The following PHETA1 variants were observed in gnomAD, a reference collection of about 807,000 sequenced individuals.
PHETA1 encodes the protein PH domain containing endocytic trafficking adaptor 1.
For missense variants in PHETA1, 348 were observed against 373.5 expected (o/e 0.93, Z 0.56); for synonymous variants, 155 against 168.9 (o/e 0.92, Z 0.64).
Position 111,362,027 on chromosome 12 carries a change from G to T in PHETA1, c.*651C>A, listed in dbSNP as rs899780929. 1 of 455,582 alleles carries T rather than the reference G, an allele frequency of 2.2e-6. No homozygotes were observed. The highest frequency in any genetic ancestry group is 2.0e-5 in the African/African-American group (1 of 50,048). 28.2% of individuals were successfully genotyped at this position (455,582 alleles called of 1,614,324 possible). A position where few individuals can be genotyped will look rare whatever the true frequency, so the allele number is the denominator to read the frequency against. ...GGCAGGGGACTTTTGGCAGAGTCCT[G>T]CCTCAGCCAGCCCAGGCCAGGAGCC... On this transcript the variant is annotated 3_prime_UTR_variant, in exon 3 of 3. Transcript: ENST00000683047.
rs370742494 is a variant in PHETA1, at chr12:111,363,717, G to C, written c.-36-254C>G. ...CTGTATCCCTGAAATAATGTTGTGA[G>C]TTCCTGCTGCATGCCAGACATTTCA... On this transcript the variant is annotated intron_variant, in intron 2 of 2. Transcript: ENST00000683047. The surrounding 1 kb of genome is among the most constrained non-coding windows in gnomAD (Gnocchi z 7.4). 1.3e-6 allele frequency: 2 copies of C among 1,515,128 alleles called. No individual in the cohort carries two copies. The highest frequency in any genetic ancestry group is 1.2e-5 in the South Asian group (1 of 83,014). The allele number at this position is 1,515,128 out of a possible 1,614,324, so 93.9% of individuals were successfully genotyped here. A position where few individuals can be genotyped will look rare whatever the true frequency, so the allele number is the denominator to read the frequency against.
chr12:111,364,173 C>T (rs1340193387), intron 2 of PHETA1, among the ~76,000 whole-genome samples: 2 of 152,068 alleles, frequency 1.3e-5, no homozygotes, highest in African/African-American at 4.8e-5. Context: ...CAGTGAAACC[C>T]CTTCTCTACT....
intron 2 of PHETA1, chr12:111,365,736 G>A (rs2135508526): frequency 2.2e-5 from 7 of 318,404 alleles, no homozygotes; most frequent in South Asian, 1.7e-4. Context: ...CACAGGGAGG[G>A]GCAGAACACA....
Position 111,363,560 on chromosome 12 carries a change from A to G in PHETA1, c.-36-97T>C, listed in dbSNP as rs1868841339. The stretch of plus-strand genomic sequence containing the variant: ...TGCAGCCACTCTACATCCCCGTTTC[A>G]CAGATGAGGAAACTGACGCTCATAG... On this transcript the variant is annotated intron_variant, in intron 2 of 2. Transcript: ENST00000683047. The surrounding 1 kb of genome is among the most constrained non-coding windows in gnomAD (Gnocchi z 7.4). 1 of 1,529,990 alleles carries G rather than the reference A, an allele frequency of 6.5e-7. No homozygotes were observed. The highest frequency in any genetic ancestry group is 2.0e-5 in the Admixed American group (1 of 50,726). 94.8% of individuals were successfully genotyped at this position (1,529,990 alleles called of 1,614,324 possible).
At position 111,368,681 on chromosome 12, in the gene PHETA1, G is replaced by A. The variant is rs955134351; in HGVS notation, c.-182+231C>T. 2.6e-5 allele frequency among the ~76,000 whole-genome samples: 4 copies of A among 152,206 alleles called. No individual in the cohort carries two copies. Among genetic ancestry groups the A allele is most frequent in the Non-Finnish European group, 5.9e-5 (4 of 68,022 alleles). On this transcript the variant is annotated intron_variant, in intron 1 of 2. Coordinates refer to ENST00000683047, the MANE Select transcript of PHETA1 (RefSeq NM_144671.6). This position sits in a 1 kb window ranked among gnomAD's most constrained non-coding sequence, Gnocchi z 5.0. The stretch of plus-strand genomic sequence containing the variant: ...ATGGGTGATCAGCGGCAGAATGGGG[G>A]GCTTATCCGCAGTCCCCACCAGCGG...
Position 111,362,561 on chromosome 12 carries a change from G to A in PHETA1, c.*117C>T. On this transcript the variant is annotated 3_prime_UTR_variant, in exon 3 of 3. Coordinates refer to ENST00000683047, the MANE Select transcript of PHETA1 (RefSeq NM_144671.6). ...CCCAAAACCAGGCCACTCAGGGCCTGGGGGCCAGCCTTGCCCATGATTTCC... is the reference window on the plus strand; with the variant it reads ...CCCAAAACCAGGCCACTCAGGGCCTAGGGGCCAGCCTTGCCCATGATTTCC... 2 of 1,536,820 alleles carry A rather than the reference G, an allele frequency of 1.3e-6. No homozygotes were observed. The highest frequency in any genetic ancestry group is 1.4e-5 in the African/African-American group (1 of 73,134).
intron 2 of PHETA1, among the ~76,000 whole-genome samples, chr12:111,364,697 G>A (rs772551146): frequency 1.2e-4 from 18 of 151,928 alleles, no homozygotes; most frequent in Non-Finnish European, 1.6e-4. Context: ...CCAAGAGGCG[G>A]AGGTTGCAGT....
chr12:111,364,146 G>A (rs912065735), intron 2 of PHETA1, among the ~76,000 whole-genome samples: 3 of 152,112 alleles, frequency 2.0e-5, no homozygotes, highest in Non-Finnish European at 4.4e-5. Context: ...GGACAGGGTC[G>A]TCCAGCCTGG....
At chr12:111,364,603 C>T (rs1351704163) in intron 2 of PHETA1, among the ~76,000 whole-genome samples, 6 of 151,960 alleles carry the variant, frequency 3.9e-5, no homozygotes, top group Non-Finnish European at 7.4e-5. Flanking sequence ...AAAACCCCAT[C>T]TCTACTAAAA....
Position 111,363,171 on chromosome 12 carries a change from G to C in PHETA1, c.257C>G (p.Thr86Ser). ...EFAFAVRFAG[T>S]RARTYVLAAE... Reference sequence around the variant, plus strand: ...GGCCAGCACGTAGGTGCGCGCCCGGGTCCCCGCAAAGCGCACAGCGAAGGC... The same window carrying C: ...GGCCAGCACGTAGGTGCGCGCCCGGCTCCCCGCAAAGCGCACAGCGAAGGC... Residue 86 changes from threonine to serine, a missense_variant, in exon 3 of 3, where the codon ACC becomes AGC. By Grantham distance (58) the Thr-to-Ser change is moderately conservative. Transcript: ENST00000683047. This position sits in a 1 kb window ranked among gnomAD's most constrained non-coding sequence, Gnocchi z 7.4. 1 of 1,612,244 alleles carries C rather than the reference G, an allele frequency of 6.2e-7. No individual in the cohort carries two copies. The highest frequency in any genetic ancestry group is 8.5e-7 in the Non-Finnish European group (1 of 1,179,850).
rs1163201892 is a variant in PHETA1 at position 111,363,636 on chromosome 12, G to T, written c.-36-173C>A. On this transcript the variant is annotated intron_variant, in intron 2 of 2. Coordinates refer to ENST00000683047, the MANE Select transcript of PHETA1 (RefSeq NM_144671.6). The surrounding 1 kb of genome is among the most constrained non-coding windows in gnomAD (Gnocchi z 7.4). ...CACAACTCCTAAGAAGCAGAGACAG[G>T]ACTGGAACCTGGGTCTCACGGGCCT... is the stretch of plus-strand genomic sequence containing the variant. 4.7e-5 allele frequency: 72 copies of T among 1,534,626 alleles called. No individual in the cohort carries two copies. The highest frequency in any genetic ancestry group is 6.1e-5 in the Non-Finnish European group (70 of 1,146,568).
rs1421865293 is a variant in PHETA1 at position 111,361,835 on chromosome 12, C to T, written c.*843G>A. On this transcript the variant is annotated 3_prime_UTR_variant, in exon 3 of 3. Transcript: ENST00000683047. Reference sequence around the variant, plus strand: ...TCACCTCGGGCCATGGCTACCCAGCCCAGGAAGGGAGGTCAGGCAAGCTCC... The same window carrying T: ...TCACCTCGGGCCATGGCTACCCAGCTCAGGAAGGGAGGTCAGGCAAGCTCC... The T allele has an allele frequency of 2.2e-6, 1 of 454,296 alleles. No homozygotes were observed. The highest frequency in any genetic ancestry group is 4.4e-6 in the Non-Finnish European group (1 of 225,918). The allele number at this position is 454,296 out of a possible 1,614,324, so 28.1% of individuals were successfully genotyped here.
rs1868600829 is a variant in PHETA1 at position 111,361,541 on chromosome 12, C to A, written c.*1137G>T. 2 of 222,572 alleles carry A rather than the reference C, an allele frequency of 9.0e-6. No individual in the cohort carries two copies. The highest frequency in any genetic ancestry group is 1.8e-5 in the Non-Finnish European group (2 of 109,944). The allele number at this position is 222,572 out of a possible 1,614,324, so 13.8% of individuals were successfully genotyped here. A position where few individuals can be genotyped will look rare whatever the true frequency, so the allele number is the denominator to read the frequency against. ...GAGGTGTCCCAGCCCCGAGGTTCTC[C>A]CTGGATGAAAAATGGGCACTGTGGT... On this transcript the variant is annotated 3_prime_UTR_variant, in exon 3 of 3. Transcript: ENST00000683047.
Position 111,361,843 on chromosome 12 carries a change from G to A in PHETA1, c.*835C>T, listed in dbSNP as rs1237297122. The stretch of plus-strand genomic sequence containing the variant: ...GGCCATGGCTACCCAGCCCAGGAAG[G>A]GAGGTCAGGCAAGCTCCCAAGGGGC... On this transcript the variant is annotated 3_prime_UTR_variant, in exon 3 of 3. Transcript: ENST00000683047. The A allele has an allele frequency of 2.2e-6, 1 of 454,938 alleles. No individual in the cohort carries two copies. Among genetic ancestry groups the A allele is most frequent in the Non-Finnish European group, 4.4e-6 (1 of 226,142 alleles). 28.2% of individuals were successfully genotyped at this position (454,938 alleles called of 1,614,324 possible).
chr12:111,361,743 C>A lies in PHETA1; in HGVS notation c.*935G>T. The A allele has an allele frequency of 2.7e-6, 1 of 374,270 alleles. No homozygotes were observed. Among genetic ancestry groups the A allele is most frequent in the Admixed American group, 3.4e-5 (1 of 29,594 alleles). 23.2% of individuals were successfully genotyped at this position (374,270 alleles called of 1,614,324 possible). On this transcript the variant is annotated 3_prime_UTR_variant, in exon 3 of 3. Coordinates refer to ENST00000683047, the MANE Select transcript of PHETA1 (RefSeq NM_144671.6). ...GGCTTTTTCTCCGCCACTAGGTCAG[C>A]ACCTGGGCCTTCCTAGGCGGTGAGT...
At chr12:111,365,737 G>A in intron 2 of PHETA1, 1 of 295,374 alleles carries the variant, frequency 3.4e-6, no homozygotes, top group South Asian at 2.6e-5. Flanking sequence ...ACAGGGAGGG[G>A]CAGAACACAT....
chr12:111,365,855 G>A (rs1270419787), intron 2 of PHETA1, among the ~76,000 whole-genome samples: 2 of 152,138 alleles, frequency 1.3e-5, no homozygotes, highest in Admixed American at 6.5e-5. Flanking sequence ...AAGCCTGCAT[G>A]TTCTGCACAT....
Position 111,363,244 on chromosome 12 carries a change from T to G in PHETA1, c.184A>C (p.Ile62Leu), listed in dbSNP as rs1265383246. 6 of 1,613,178 alleles carry G rather than the reference T, an allele frequency of 3.7e-6. No homozygotes were observed. The Admixed American group carries it at 1.0e-4, about 27-fold the overall frequency. ...AGCTCCACAGTGCAGCCCTCCAGGA[T>G]GATGACGCCCACGGGCTCACGGCTG... ...AASREPVGVI[I>L]LEGCTVELVE... The change falls in exon 3 of 3, where the codon ATC (isoleucine) becomes CTC (leucine). Residue 62 changes from isoleucine (I) to leucine (L), a missense_variant. Coordinates refer to ENST00000683047, the MANE Select transcript of PHETA1 (RefSeq NM_144671.6). The surrounding 1 kb of genome is among the most constrained non-coding windows in gnomAD (Gnocchi z 7.4).
At chr12:111,364,988 G>A (rs555990167) in intron 2 of PHETA1, among the ~76,000 whole-genome samples, 6 of 152,318 alleles carry the variant, frequency 3.9e-5, no homozygotes, top group African/African-American at 1.2e-4. Context: ...TTACAGGAAG[G>A]AGGGGCAGGG....
Sources: gnomAD v4.1 joint callset for allele counts (sites outside exome capture counted in the v4.1 genomes callset) on GRCh38, gnomAD v4.1.1 for gene constraint, Gnocchi (gnomAD v3.1) non-coding constraint, MANE v1.5 for transcripts, NCBI Gene and HGNC (gene_info 2026-07-23, HGNC 2026-07-21) for gene names.